Variants in IQCM observed in about 807,000 individuals in gnomAD.
The protein encoded by IQCM is IQ motif containing M.
IQCM carries 45 observed loss-of-function variants against 57.6 expected under a neutral mutation model. That is an observed-to-expected ratio of 0.78 (90% CI 0.62 to 1.00). The LOEUF (loss-of-function observed/expected upper bound fraction) is 1.00, where lower values mean the gene tolerates loss of function less well. Ranked by LOEUF, IQCM falls within the 50% of genes least tolerant of loss-of-function variation. The pLI is 0.00. For missense variants in IQCM, 468 were observed against 511.6 expected (o/e 0.91, Z 0.82); for synonymous variants, 148 against 158.9 (o/e 0.93, Z 0.51).
chr4:149,557,314 C>T (rs1251263154), intron 10 of IQCM, among the ~76,000 whole-genome samples: 3 of 152,180 alleles, frequency 2.0e-5, no homozygotes, highest in Non-Finnish European at 4.4e-5. Flanking sequence ...TGGAGCTAGA[C>T]AGCCTTATGT....
rs1310278068 is a variant in IQCM at position 149,609,751 on chromosome 4, C to T, written c.681+11378G>A. On this transcript the variant is annotated intron_variant, in intron 8 of 13. Transcript: ENST00000636793. Reference sequence around the variant, plus strand: ...GAACATACCTCAACATAACAAAAGCCATAGAAGACAAACTCACAACCAATA... The same window carrying T: ...GAACATACCTCAACATAACAAAAGCTATAGAAGACAAACTCACAACCAATA... 2.6e-5 allele frequency among the ~76,000 whole-genome samples: 4 copies of T among 151,790 alleles called. No individual in the cohort carries two copies. The East Asian group carries it at 5.8e-4, about 22-fold the overall frequency.
At chr4:149,656,670 A>G (rs1475992015) in intron 7 of IQCM, among the ~76,000 whole-genome samples, 1 of 152,112 alleles carries the variant, frequency 6.6e-6, no homozygotes, top group African/African-American at 2.4e-5. Flanking sequence ...GACCGGGAAA[A>G]ACAACATGGC....
chr4:149,742,043 G>A (rs1178433900), intron 3 of IQCM, among the ~76,000 whole-genome samples: 1 of 151,798 alleles, frequency 6.6e-6, no homozygotes, highest in African/African-American at 2.4e-5. Context: ...ACTAAAAAAG[G>A]TGAAATTAAT....
chr4:149,726,146 A>AAGAGAG (rs1765924002), intron 5 of IQCM, among the ~76,000 whole-genome samples: 1 of 151,814 alleles, frequency 6.6e-6, no homozygotes, highest in Non-Finnish European at 1.5e-5. Flanking sequence ...AAAGAAAAGA[A>AAGAGAG]AGAAAGAAAG....
intron 12 of IQCM, among the ~76,000 whole-genome samples, chr4:149,436,571 C>T (rs1383234957): frequency 2.0e-5 from 3 of 152,034 alleles, no homozygotes; most frequent in African/African-American, 7.2e-5. Flanking sequence ...GCATTGTTAA[C>T]TAAAAATAAA....
At chr4:149,419,611 G>C (rs754022252) in intron 13 of IQCM, among the ~76,000 whole-genome samples, 27 of 152,020 alleles carry the variant, frequency 1.8e-4, no homozygotes, top group Non-Finnish European at 3.7e-4. Context: ...ATCACCAAAA[G>C]CAATTGCAAC....
At chr4:149,800,040 C>CA (rs1773468716) in intron 2 of IQCM, among the ~76,000 whole-genome samples, 1 of 150,942 alleles carries the variant, frequency 6.6e-6, no homozygotes, top group Admixed American at 6.6e-5. Flanking sequence ...ACAAAGATAC[C>CA]AAAAAAGGAA....
chr4:149,801,179 A>G (rs184472993), intron 2 of IQCM, among the ~76,000 whole-genome samples: 1 of 152,076 alleles, frequency 6.6e-6, no homozygotes, highest in East Asian at 1.9e-4. Context: ...AATCAAAACT[A>G]CAATGAGATC....
At chr4:149,673,265 C>A (rs1180921558) in intron 7 of IQCM, among the ~76,000 whole-genome samples, 1 of 152,104 alleles carries the variant, frequency 6.6e-6, no homozygotes, top group Non-Finnish European at 1.5e-5. Context: ...CAAATTCACA[C>A]ATAACAATAT....
intron 12 of IQCM, among the ~76,000 whole-genome samples, chr4:149,497,629 C>G (rs769356061): frequency 1.3e-5 from 2 of 151,932 alleles, no homozygotes; most frequent in Non-Finnish European, 2.9e-5. Flanking sequence ...CTGGGTCCCT[C>G]CCACAACACA....
At chr4:149,363,578 C>T (rs1474765890) in intron 13 of IQCM, among the ~76,000 whole-genome samples, 1 of 152,078 alleles carries the variant, frequency 6.6e-6, no homozygotes, top group Non-Finnish European at 1.5e-5. Context: ...CTTTCCAACC[C>T]TCACTGCTCC....
intron 12 of IQCM, 84 bp downstream of exon 12, chr4:149,548,371 G>T: frequency 9.0e-7 from 1 of 1,107,286 alleles, no homozygotes; most frequent in South Asian, 4.7e-5. Flanking sequence ...GAAAGGAAGA[G>T]AACAACTAAG....
chr4:149,704,514 C>T (rs1435439177), intron 5 of IQCM, among the ~76,000 whole-genome samples: 3 of 151,854 alleles, frequency 2.0e-5, no homozygotes, highest in Non-Finnish European at 4.4e-5. Context: ...TTTACTATCT[C>T]ACCCTTTACA....
At chr4:149,609,753 T>C (rs1028920267) in intron 8 of IQCM, among the ~76,000 whole-genome samples, 1 of 151,842 alleles carries the variant, frequency 6.6e-6, no homozygotes, top group African/African-American at 2.4e-5. Context: ...ACAAAAGCCA[T>C]AGAAGACAAA....
intron 9 of IQCM, among the ~76,000 whole-genome samples, chr4:149,568,807 A>T (rs553084278): frequency 3.9e-5 from 6 of 152,294 alleles, no homozygotes; most frequent in African/African-American, 1.4e-4. Flanking sequence ...ATATTTTTAC[A>T]TTAACATAAA....
chr4:149,526,121 A>C (rs561448831), intron 12 of IQCM, among the ~76,000 whole-genome samples: 125 of 151,986 alleles, frequency 8.2e-4, no homozygotes, highest in Non-Finnish European at 2.4e-4. Context: ...ATCATTCTGG[A>C]GATATCAATC....
intron 7 of IQCM, among the ~76,000 whole-genome samples, chr4:149,669,780 C>T (rs146925108): frequency 0.017 from 2,656 of 152,082 alleles, 81 homozygotes; most frequent in African/African-American, 0.061. Flanking sequence ...AAAGATCAGA[C>T]GGTTGTAGGT....
At chr4:149,430,103 C>T (rs1463315660) in intron 13 of IQCM, 1 of 891,504 alleles carries the variant, frequency 1.1e-6, no homozygotes, top group Non-Finnish European at 1.5e-6. Flanking sequence ...TTAAGTTATT[C>T]TTTCTCATAA....
chr4:149,448,834 A>T (rs1736782894), intron 12 of IQCM, among the ~76,000 whole-genome samples: 1 of 151,780 alleles, frequency 6.6e-6, no homozygotes, highest in South Asian at 2.1e-4. Context: ...GTGGTTAAGC[A>T]CCTTCCCACA....
Sources: gnomAD v4.1 joint callset for allele counts (sites outside exome capture counted in the v4.1 genomes callset) on GRCh38, gnomAD v4.1.1 for gene constraint, MANE v1.5 for transcripts, NCBI Gene and HGNC (gene_info 2026-07-23, HGNC 2026-07-21) for gene names.